The following TMEM44 variants were observed in gnomAD, a reference collection of about 807,000 sequenced individuals.
TMEM44 encodes the protein transmembrane protein 44.
Under a neutral mutation model 47.8 loss-of-function variants are expected in TMEM44, and 43 were observed. The ratio of observed to expected loss-of-function variants is 0.90; its 90% CI spans 0.70 to 1.16. The LOEUF is 1.16. TMEM44 is among the 50% of genes most tolerant of loss of function. The pLI is 0.00. For missense variants in TMEM44, 568 were observed against 555.2 expected (o/e 1.02, Z -0.23); for synonymous variants, 277 against 238.8 (o/e 1.16, Z -1.48).
At chr3:194,624,690 A>T (rs1399214070) in intron 3 of TMEM44, among the ~76,000 whole-genome samples, 7 of 150,934 alleles carry the variant, frequency 4.6e-5, no homozygotes, top group Non-Finnish European at 8.8e-5. Flanking sequence ...AAGTGCTGGG[A>T]TTACAGGCAT....
intron 3 of TMEM44, among the ~76,000 whole-genome samples, chr3:194,624,065 G>A (rs967002576): frequency 2.0e-5 from 3 of 152,178 alleles, no homozygotes; most frequent in Non-Finnish European, 4.4e-5. Context: ...GAGCAGAACC[G>A]GTACAAGTGT....
In TMEM44 at chr3:194,604,378, T is replaced by G. The variant is rs1187428370; in HGVS notation, c.1085A>C (p.Asp362Ala). Residue 362 changes from aspartate (D) to alanine (A), a missense_variant, in exon 9 of 10, where the codon GAC (aspartate) becomes GCC (alanine). By Grantham distance (126) the Asp-to-Ala change is moderately radical. Coordinates refer to ENST00000347147, the MANE Select transcript of TMEM44 (RefSeq NM_001011655.3). Reference sequence around the variant, plus strand: ...CTGAACGGGAGGGTACGACGGGGGGTCCTGCAGGGACGCATCTCCGGCGCT... The same window carrying G: ...CTGAACGGGAGGGTACGACGGGGGGGCCTGCAGGGACGCATCTCCGGCGCT... The part of the protein sequence containing the change: ...QTSAGDASLQ[D>A]PPSYPPVQVI... 6.4e-7 allele frequency: 1 copy of G among 1,555,578 alleles called. No individual in the cohort carries two copies. Among genetic ancestry groups the G allele is most frequent in the Non-Finnish European group, 8.7e-7 (1 of 1,149,484 alleles).
Position 194,623,212 on chromosome 3 carries a change from C to T in TMEM44, c.612+12G>A. 1 of 1,599,616 alleles carries T rather than the reference C, an allele frequency of 6.3e-7. No homozygotes were observed. The highest frequency in any genetic ancestry group is 8.5e-7 in the Non-Finnish European group (1 of 1,172,680). ...ATGTGACCCACAGTCCCATCCCCACCCCCGGCCTCACAATTCTGGAGAGAG... is the reference window on the plus strand; with the variant it reads ...ATGTGACCCACAGTCCCATCCCCACTCCCGGCCTCACAATTCTGGAGAGAG... On this transcript the variant is annotated intron_variant, in intron 5 of 9. Coordinates refer to ENST00000347147, the MANE Select transcript of TMEM44 (RefSeq NM_001011655.3).
chr3:194,594,027 G>A (rs890336801), intron 9 of TMEM44, among the ~76,000 whole-genome samples: 3 of 151,952 alleles, frequency 2.0e-5, no homozygotes, highest in African/African-American at 7.2e-5. Context: ...GCCCAGGCTG[G>A]TCTTGAACTC....
intron 5 of TMEM44, among the ~76,000 whole-genome samples, chr3:194,618,820 G>A (rs1054992854): frequency 3.9e-5 from 6 of 152,110 alleles, no homozygotes; most frequent in Non-Finnish European, 8.8e-5. Flanking sequence ...TTCCCTCTGC[G>A]TCCCCTCCAG....
intron 5 of TMEM44, among the ~76,000 whole-genome samples, chr3:194,618,607 T>C (rs890153273): frequency 6.7e-6 from 1 of 148,996 alleles, no homozygotes; most frequent in Non-Finnish European, 1.5e-5. Flanking sequence ...TTATATATAA[T>C]ACATATAAAA....
In TMEM44 at chr3:194,588,253, G is replaced by T; in HGVS notation, c.*276C>A. 1 of 409,990 alleles carries T rather than the reference G, an allele frequency of 2.4e-6. No homozygotes were observed. Among genetic ancestry groups the T allele is most frequent in the Non-Finnish European group, 4.4e-6 (1 of 227,976 alleles). 25.4% of individuals were successfully genotyped at this position (409,990 alleles called of 1,614,324 possible). The stretch of plus-strand genomic sequence containing the variant: ...AAGGGAAAAGGAAGAGCGGGTCTGA[G>T]ATCCTTTGGATTATCTTTACGAAGC... On this transcript the variant is annotated 3_prime_UTR_variant, in exon 10 of 10. Coordinates refer to ENST00000347147, the MANE Select transcript of TMEM44 (RefSeq NM_001011655.3).
chr3:194,629,452 G>T (rs1717531503), intron 1 of TMEM44, among the ~76,000 whole-genome samples: 1 of 152,270 alleles, frequency 6.6e-6, no homozygotes, highest in African/African-American at 2.4e-5. Flanking sequence ...AGGGCAGGAA[G>T]GGGCTGGCTG....
Position 194,615,595 on chromosome 3 carries a change from C to A in TMEM44, c.886G>T (p.Ala296Ser), listed in dbSNP as rs1278951861. 6.2e-7 allele frequency: 1 copy of A among 1,614,172 alleles called. No homozygotes were observed. The highest frequency in any genetic ancestry group is 1.1e-5 in the South Asian group (1 of 91,088). The change falls in exon 7 of 10, where the codon GCA (alanine) becomes TCA (serine). Residue 296 changes from alanine (A) to serine (S), a missense_variant. Physicochemically the swap from Ala to Ser is moderately conservative, Grantham distance 99 (BLOSUM62 1). Transcript: ENST00000347147. ...TCCTGGTTTTCTTCCTCTTTCTCTG[C>A]ACAGGTCAAAAGGGCTTGGGTGTCA... ...SPDTQALLTC[A>S]EKEEENQENL... is the part of the protein sequence containing the mutation.
intron 8 of TMEM44, among the ~76,000 whole-genome samples, chr3:194,609,629 G>T (rs1207211684): frequency 6.6e-6 from 1 of 151,976 alleles, no homozygotes; most frequent in African/African-American, 2.4e-5. Context: ...TCCTCCTGAG[G>T]ACCCCTCGTG....
chr3:194,624,302 C>A (rs1316690947), intron 3 of TMEM44, among the ~76,000 whole-genome samples: 1 of 151,444 alleles, frequency 6.6e-6, no homozygotes, highest in Non-Finnish European at 1.5e-5. Context: ...GGCTGGGATT[C>A]CGGGTGTAAG....
At position 194,604,378 on chromosome 3, in the gene TMEM44, T is replaced by C. The variant is rs1187428370; in HGVS notation, c.1085A>G (p.Asp362Gly). ...CTGAACGGGAGGGTACGACGGGGGG[T>C]CCTGCAGGGACGCATCTCCGGCGCT... Reference protein sequence around the residue: ...QTSAGDASLQDPPSYPPVQVI... With the variant: ...QTSAGDASLQGPPSYPPVQVI... The change falls in exon 9 of 10, where the codon GAC (aspartate) becomes GGC (glycine). Residue 362 changes from aspartate (D) to glycine (G), a missense_variant. Coordinates refer to ENST00000347147, the MANE Select transcript of TMEM44 (RefSeq NM_001011655.3). The C allele has an allele frequency of 8.4e-6, 13 of 1,555,460 alleles. No homozygotes were observed. Among genetic ancestry groups the C allele is most frequent in the African/African-American group, 2.7e-5 (2 of 73,042 alleles).
intron 8 of TMEM44, among the ~76,000 whole-genome samples, chr3:194,607,628 A>G (rs1024351054): frequency 6.6e-6 from 1 of 152,140 alleles, no homozygotes; most frequent in Admixed American, 6.6e-5. Flanking sequence ...TCCAGCCCCC[A>G]GTTTCCTTAT....
chr3:194,614,097 C>T (rs571140065), intron 7 of TMEM44, among the ~76,000 whole-genome samples: 138 of 151,950 alleles, frequency 9.1e-4, no homozygotes, highest in Non-Finnish European at 1.7e-3. Context: ...ACTCCAGCCT[C>T]GGCAACAAGA....
At chr3:194,632,176 A>G (rs1460254698) in intron 1 of TMEM44, among the ~76,000 whole-genome samples, 1 of 152,196 alleles carries the variant, frequency 6.6e-6, no homozygotes, top group African/African-American at 2.4e-5. Context: ...TGTGAGTGGC[A>G]GGCATTGAAT....
intron 9 of TMEM44, among the ~76,000 whole-genome samples, chr3:194,602,371 G>A (rs1481236972): frequency 2.0e-5 from 3 of 152,230 alleles, no homozygotes; most frequent in Non-Finnish European, 4.4e-5. Flanking sequence ...GGAGGCCGAG[G>A]TGGGTGGATC....
At chr3:194,631,418 G>T (rs907816254) in intron 1 of TMEM44, among the ~76,000 whole-genome samples, 1 of 152,002 alleles carries the variant, frequency 6.6e-6, no homozygotes, top group African/African-American at 2.4e-5. Flanking sequence ...CTGTCCTTGG[G>T]AATGGTGGAT....
chr3:194,600,976 T>A (rs1205684731), intron 9 of TMEM44, among the ~76,000 whole-genome samples: 1 of 152,198 alleles, frequency 6.6e-6, no homozygotes. Context: ...ATTATCTGTA[T>A]GTTTTAGGGC....
intron 9 of TMEM44, among the ~76,000 whole-genome samples, chr3:194,593,476 G>C (rs1452637177): frequency 1.3e-5 from 2 of 152,004 alleles, no homozygotes; most frequent in South Asian, 2.1e-4. Flanking sequence ...TAAAATTCCT[G>C]CCTTGCAAAT....
Sources: allele counts gnomAD v4.1 joint callset (sites outside exome capture counted in the v4.1 genomes callset), GRCh38; gene constraint gnomAD v4.1.1; transcripts MANE v1.5; gene names NCBI Gene and HGNC (gene_info 2026-07-23, HGNC 2026-07-21).